The following TCF20 variants were observed in gnomAD, a reference collection of about 807,000 sequenced individuals.
TCF20 encodes the protein transcription factor 20.
In TCF20, 3 loss-of-function variants were observed where a neutral mutation model predicts 148.6. The observed-to-expected ratio is 0.02, with a 90% CI of 0.01 to 0.05. The LOEUF (loss-of-function observed/expected upper bound fraction) is 0.05, where lower values mean the gene tolerates loss of function less well. Among genes scored for constraint, TCF20 ranks in the 10% least tolerant of loss-of-function variants. TCF20 has a pLI of 1.00. For missense variants in TCF20, 2,350 were observed against 2,429.3 expected (o/e 0.97, Z 0.69); for synonymous variants, 1,049 against 909.5 (o/e 1.15, Z -2.76).
chr22:42,266,272 T>A (rs1053385172), intron 1 of TCF20, among the ~76,000 whole-genome samples: 2 of 152,154 alleles, frequency 1.3e-5, no homozygotes, highest in African/African-American at 4.8e-5. Context: ...GGAAAGGTCA[T>A]CTATCTCTAA....
chr22:42,276,657 C>A (rs1379372138), intron 1 of TCF20: 1 of 152,212 alleles, frequency 6.6e-6, no homozygotes, highest in Non-Finnish European at 1.5e-5. Flanking sequence ...CCAAGAAACG[C>A]AGATGCCGAT....
intron 2 of TCF20, among the ~76,000 whole-genome samples, chr22:42,180,359 T>G (rs1936710725): frequency 6.6e-6 from 1 of 152,168 alleles, no homozygotes; most frequent in Non-Finnish European, 1.5e-5. Context: ...AGACATTATT[T>G]TGTAATTGAG....
chr22:42,323,163 A>G (rs1927766357), intron 1 of TCF20, among the ~76,000 whole-genome samples: 1 of 151,342 alleles, frequency 6.6e-6, no homozygotes, highest in Admixed American at 6.6e-5. Context: ...CAGCCTCCCA[A>G]AGTGTTGAGA....
At chr22:42,281,512 G>A (rs895334206) in intron 1 of TCF20, among the ~76,000 whole-genome samples, 1 of 152,082 alleles carries the variant, frequency 6.6e-6, no homozygotes, top group Non-Finnish European at 1.5e-5. Context: ...AGTGCAACCC[G>A]CCTCTTACAC....
Position 42,297,778 on chromosome 22 carries a change from A to G in TCF20, c.-37+45701T>C, listed in dbSNP as rs1468645009. On this transcript the variant is annotated intron_variant, in intron 1 of 1. Coordinates refer to the TCF20 transcript ENST00000515426. The surrounding 1 kb of genome is among the most constrained non-coding windows in gnomAD (Gnocchi z 4.3). ...AGAAGGCCTCGGGTCGCATCCCCCC[A>G]CCAGCTGGGGCCCCTGTCAGGCAGG... Among the ~76,000 whole-genome samples, 2 of 151,952 alleles carry G rather than the reference A, an allele frequency of 1.3e-5. No individual in the cohort carries two copies. Among genetic ancestry groups the G allele is most frequent in the African/African-American group, 2.4e-5 (1 of 41,356 alleles).
upstream of TCF20, among the ~76,000 whole-genome samples, chr22:42,288,024 G>A (rs1381141376): frequency 6.6e-6 from 1 of 152,214 alleles, no homozygotes; most frequent in Non-Finnish European, 1.5e-5. Context: ...AGAGGAGGCA[G>A]GCCAGTTGTA....
chr22:42,194,091 G>T (rs1937476399), intron 2 of TCF20, among the ~76,000 whole-genome samples: 1 of 152,182 alleles, frequency 6.6e-6, no homozygotes, highest in African/African-American at 2.4e-5. Context: ...GGTGTTTGCT[G>T]GTGGTTTCAG....
At chr22:42,246,992 A>C (rs908715570) in intron 1 of TCF20, among the ~76,000 whole-genome samples, 7 of 150,724 alleles carry the variant, frequency 4.6e-5, no homozygotes, top group African/African-American at 1.7e-4. Flanking sequence ...AAAAAAAAGG[A>C]AAAAAGAAAG....
intron 1 of TCF20, among the ~76,000 whole-genome samples, chr22:42,227,543 A>T (rs1205820459): frequency 6.6e-6 from 1 of 152,200 alleles, no homozygotes; most frequent in Non-Finnish European, 1.5e-5. Flanking sequence ...CAACACTGAT[A>T]CTACACTCTC....
chr22:42,171,778 C>T (rs2049655892), intron 3 of TCF20, among the ~76,000 whole-genome samples: 1 of 152,198 alleles, frequency 6.6e-6, no homozygotes, highest in Non-Finnish European at 1.5e-5. Flanking sequence ...ACTATGCTGG[C>T]TTAGTCTCTA....
chr22:42,161,412 C>T (rs763449393), intron 5 of TCF20, 54 bp from the exon 6 acceptor site: 100 of 1,612,830 alleles, frequency 6.2e-5, no homozygotes, highest in Non-Finnish European at 8.2e-5. Flanking sequence ...GGGTCCACCA[C>T]CAACAGCCGC....
chr22:42,170,355 C>T (rs542287303), intron 3 of TCF20, among the ~76,000 whole-genome samples: 40 of 147,956 alleles, frequency 2.7e-4, no homozygotes, highest in Middle Eastern at 3.5e-3. Flanking sequence ...AAAAAAAATA[C>T]TGAAAGGCTG....
At chr22:42,313,927 C>T (rs2147043886) in intron 1 of TCF20, among the ~76,000 whole-genome samples, 1 of 152,370 alleles carries the variant, frequency 6.6e-6, no homozygotes, top group African/African-American at 2.4e-5. Context: ...CAGGGAACAC[C>T]TTTGCCCCGG....
chr22:42,259,371 G>A (rs5758686), intron 1 of TCF20, among the ~76,000 whole-genome samples: 1 of 152,020 alleles, frequency 6.6e-6, no homozygotes, highest in African/African-American at 2.4e-5. Flanking sequence ...AAGCAAGGAA[G>A]AAACAACTTC....
At chr22:42,174,815 C>T (rs535468646) in intron 3 of TCF20, among the ~76,000 whole-genome samples, 3 of 151,966 alleles carry the variant, frequency 2.0e-5, no homozygotes, top group African/African-American at 7.2e-5. Context: ...GTGGGCAGAT[C>T]ACAAGGTCAG....
In TCF20 at chr22:42,317,612, C is replaced by G. The variant is rs1927655084; in HGVS notation, c.-37+25867G>C. 8.0e-6 allele frequency among the ~76,000 whole-genome samples: 1 copy of G among 124,412 alleles called. No homozygotes were observed. The highest frequency in any genetic ancestry group is 2.7e-5 in the African/African-American group (1 of 36,656). The allele number at this position is 124,412 out of a possible 152,430, so 81.6% of individuals were successfully genotyped here. Reference sequence around the variant, plus strand: ...AGTGACTGGCCCAAGGCAGCACCCTCAGAGGAGGGCTCTGCTCCTGCATTC... The same window carrying G: ...AGTGACTGGCCCAAGGCAGCACCCTGAGAGGAGGGCTCTGCTCCTGCATTC... On this transcript the variant is annotated intron_variant, in intron 1 of 1. Coordinates refer to the TCF20 transcript ENST00000515426. This position sits in a 1 kb window ranked among gnomAD's most constrained non-coding sequence, Gnocchi z 4.2.
At position 42,210,485 on chromosome 22, in the gene TCF20, G is replaced by A; in HGVS notation, c.4821C>T (p.Pro1607=). The change falls in exon 2 of 6, where the codon CCC becomes CCT. Residue 1607 remains proline, a synonymous_variant. Transcript: ENST00000677622. The surrounding 1 kb of genome is among the most constrained non-coding windows in gnomAD (Gnocchi z 4.7). ...KTKQAVPIVE[P]QEPEIKLKYA... is the part of the protein sequence containing the mutation. ...ATTTTAGTTTGATCTCAGGTTCTTG[G>A]GGTTCCACAATGGGAACTGCTTGTT... 1.2e-6 allele frequency: 2 copies of A among 1,614,170 alleles called. No homozygotes were observed. Among genetic ancestry groups the A allele is most frequent in the South Asian group, 1.1e-5 (1 of 91,084 alleles).
At chr22:42,302,546 G>C (rs752038399) in intron 1 of TCF20, among the ~76,000 whole-genome samples, 14 of 152,196 alleles carry the variant, frequency 9.2e-5, no homozygotes, top group African/African-American at 1.2e-4. Context: ...GCTTTGCCAA[G>C]GTCACCAGCC....
intron 1 of TCF20, among the ~76,000 whole-genome samples, chr22:42,296,189 T>C (rs1295853248): frequency 6.6e-6 from 1 of 152,084 alleles, no homozygotes; most frequent in Non-Finnish European, 1.5e-5. Flanking sequence ...ATGACCACCA[T>C]CATCATCTTC....
Sources: allele counts gnomAD v4.1 joint callset (sites outside exome capture counted in the v4.1 genomes callset), GRCh38; gene constraint gnomAD v4.1.1; non-coding constraint Gnocchi (gnomAD v3.1); transcripts MANE v1.5; gene names NCBI Gene and HGNC (gene_info 2026-07-23, HGNC 2026-07-21).